DCDC1: variants seen among roughly 807,000 people sequenced by gnomAD.
The protein encoded by DCDC1 is doublecortin domain containing 1.
DCDC1 carries 200 observed loss-of-function variants against 178.3 expected under a neutral mutation model. The observed-to-expected ratio is 1.12, with a 90% CI of 1.00 to 1.26. DCDC1 has a LOEUF of 1.26. DCDC1 is among the 50% of genes most tolerant of loss of function. The pLI is 0.00. For missense variants in DCDC1, 1,983 were observed against 1,749.2 expected (o/e 1.13, Z -2.38); for synonymous variants, 690 against 604.8 (o/e 1.14, Z -2.07).
intron 17 of DCDC1, among the ~76,000 whole-genome samples, chr11:31,082,274 C>T (rs1162945945): frequency 1.3e-5 from 2 of 152,036 alleles, no homozygotes; most frequent in African/African-American, 4.8e-5. Context: ...ATCACTTAGT[C>T]TCTAGTGGCC....
chr11:31,095,043 G>A (rs1958062924), intron 15 of DCDC1, among the ~76,000 whole-genome samples: 2 of 151,366 alleles, frequency 1.3e-5, no homozygotes, highest in South Asian at 4.2e-4. Context: ...AACATGTGGT[G>A]TTTGGTTTTC....
intron 20 of DCDC1, among the ~76,000 whole-genome samples, chr11:31,048,636 G>A (rs1001764691): frequency 3.3e-5 from 5 of 152,214 alleles, no homozygotes; most frequent in African/African-American, 1.2e-4. Flanking sequence ...GGTAGATCAC[G>A]AGGTCAGGAG....
intron 9 of DCDC1, 87 bp downstream of exon 9, chr11:31,241,363 A>G (rs905965060): frequency 1.5e-5 from 6 of 392,070 alleles, no homozygotes; most frequent in Middle Eastern, 6.4e-4. Context: ...CAGTTCTTTT[A>G]TGACACAAAG....
intron 20 of DCDC1, among the ~76,000 whole-genome samples, chr11:31,032,765 T>G (rs1227348914): frequency 6.6e-6 from 1 of 152,216 alleles, no homozygotes; most frequent in African/African-American, 2.4e-5. Context: ...GGGACAGTTT[T>G]CTTTTCCTTT....
At chr11:31,324,719 C>T (rs1176051694) in intron 3 of DCDC1, among the ~76,000 whole-genome samples, 2 of 151,960 alleles carry the variant, frequency 1.3e-5, no homozygotes, top group African/African-American at 4.8e-5. Flanking sequence ...CTTAAACTGT[C>T]CATAGAAAAG....
chr11:30,957,598 T>C (rs1948842469), intron 20 of DCDC1, among the ~76,000 whole-genome samples: 1 of 152,188 alleles, frequency 6.6e-6, no homozygotes, highest in Non-Finnish European at 1.5e-5. Flanking sequence ...AGGTGCAGTG[T>C]TGGTCCTAAG....
In DCDC1 at chr11:31,208,898, T is replaced by A. The variant is rs563212609; in HGVS notation, c.1221+32552A>T. 4.5e-4 allele frequency among the ~76,000 whole-genome samples: 69 copies of A among 152,358 alleles called. 1 individual carries two copies. Among genetic ancestry groups the A allele is most frequent in the Middle Eastern group, 3.4e-3 (1 of 294 alleles). ...CTAGCCATTCTCTGAAAAAATGTCC[T>A]ATTTCATGTTCTTGATAGCATCCAA... On this transcript the variant is annotated intron_variant, in intron 9 of 38. Transcript: ENST00000684477.
intron 17 of DCDC1, among the ~76,000 whole-genome samples, chr11:31,089,061 T>A (rs1957643459): frequency 6.6e-6 from 1 of 152,142 alleles, no homozygotes; most frequent in Non-Finnish European, 1.5e-5. Context: ...TTCCATCTGG[T>A]ATCATTTTAC....
chr11:30,873,175 T>C (rs1220625944), intron 38 of DCDC1, among the ~76,000 whole-genome samples: 1 of 151,092 alleles, frequency 6.6e-6, no homozygotes, highest in African/African-American at 2.4e-5. Context: ...AGCTGTTAGC[T>C]GGGCTAGCTT....
intron 26 of DCDC1, among the ~76,000 whole-genome samples, chr11:30,915,945 A>T (rs1314527521): frequency 6.6e-6 from 1 of 152,268 alleles, no homozygotes; most frequent in Non-Finnish European, 1.5e-5. Context: ...AATGTTTACC[A>T]GGAGAATATT....
Position 31,173,758 on chromosome 11 carries a change from A to AC in DCDC1, c.1222-35975_1222-35974insG, listed in dbSNP as rs1349962972. On this transcript the variant is annotated intron_variant, in intron 9 of 38. Transcript: ENST00000684477. ...CACTTACACACACACACACACACACAAACACACACACACCCCCACATCTTT... is the reference window on the plus strand; with the variant it reads ...CACTTACACACACACACACACACACACAACACACACACACCCCCACATCTTT... Among the ~76,000 whole-genome samples the AC allele has an allele frequency of 1.0e-3, 105 of 105,230 alleles. No homozygotes were observed. The East Asian group carries it at 0.035, about 35-fold the overall frequency. The allele number at this position is 105,230 out of a possible 152,430, so 69.0% of individuals were successfully genotyped here.
chr11:30,915,179 G>T (rs1945746855), intron 27 of DCDC1, among the ~76,000 whole-genome samples: 1 of 152,104 alleles, frequency 6.6e-6, no homozygotes, highest in African/African-American at 2.4e-5. Context: ...GGACGTTTTA[G>T]AATTCTTATT....
intron 8 of DCDC1, chr11:31,241,842 C>A: frequency 3.3e-6 from 1 of 305,284 alleles, no homozygotes; most frequent in African/African-American, 2.2e-5. Flanking sequence ...GTGAGCACAC[C>A]TGAATAGTTC....
chr11:31,237,962 TA>T (rs778667703), intron 9 of DCDC1, among the ~76,000 whole-genome samples: 1 of 152,098 alleles, frequency 6.6e-6, no homozygotes, highest in Non-Finnish European at 1.5e-5. Context: ...ATATAATAGA[TA>T]CTCATTTCCC....
chr11:31,255,372 C>A (rs950748449), intron 8 of DCDC1, among the ~76,000 whole-genome samples: 2 of 152,104 alleles, frequency 1.3e-5, no homozygotes, highest in African/African-American at 4.8e-5. Context: ...GAAGACTCAT[C>A]AAATTGTTTT....
At chr11:31,175,574 G>C (rs756799977) in intron 9 of DCDC1, among the ~76,000 whole-genome samples, 1 of 152,144 alleles carries the variant, frequency 6.6e-6, no homozygotes, top group Non-Finnish European at 1.5e-5. Flanking sequence ...ACCACCACAG[G>C]GCTGCTCAGC....
chr11:31,213,957 G>A (rs1184425561), intron 9 of DCDC1, among the ~76,000 whole-genome samples: 1 of 151,908 alleles, frequency 6.6e-6, no homozygotes, highest in African/African-American at 2.4e-5. Flanking sequence ...CCTAGAAAAT[G>A]TTATTAACAG....
intron 9 of DCDC1, among the ~76,000 whole-genome samples, chr11:31,223,728 T>C (rs1350225500): frequency 2.6e-5 from 4 of 152,152 alleles, no homozygotes; most frequent in Admixed American, 6.6e-5. Flanking sequence ...CTCATAAATA[T>C]AATGTTGCAA....
chr11:31,223,384 T>C (rs1565460572), intron 9 of DCDC1, among the ~76,000 whole-genome samples: 1 of 152,178 alleles, frequency 6.6e-6, no homozygotes, highest in African/African-American at 2.4e-5. Flanking sequence ...GAGAATCTTA[T>C]AAATTGCTGG....
Sources: gnomAD v4.1 joint callset for allele counts (sites outside exome capture counted in the v4.1 genomes callset) on GRCh38, gnomAD v4.1.1 for gene constraint, MANE v1.5 for transcripts, NCBI Gene and HGNC (gene_info 2026-07-23, HGNC 2026-07-21) for gene names.